The following FRYL variants were observed in gnomAD, a reference collection of about 807,000 sequenced individuals.
FRYL encodes protein furry homolog-like.
Under a neutral mutation model 351.2 loss-of-function variants are expected in FRYL, and 150 were observed. The observed-to-expected ratio is 0.43, with a 90% CI of 0.37 to 0.49. The LOEUF is 0.49. FRYL is among the 20% of genes least tolerant of loss of function. The pLI is 0.00. For synonymous variants in FRYL, 1,153 were observed against 1,257.1 expected (o/e 0.92, Z 1.75); for missense variants, 3,036 against 3,619.3 (o/e 0.84, Z 4.13).
At chr4:48,632,101 T>TATATATATATATATGTATGG (rs1753245429) in intron 4 of FRYL, among the ~76,000 whole-genome samples, 1 of 28,150 alleles carries the variant, frequency 3.6e-5, no homozygotes. Flanking sequence ...AATATATATA[T>TATATATATATATATGTATGG]ATATATATAT....
intron 1 of FRYL, among the ~76,000 whole-genome samples, chr4:48,738,684 T>TG (rs1448284309): frequency 6.6e-6 from 1 of 150,840 alleles, no homozygotes; most frequent in East Asian, 1.9e-4. Flanking sequence ...TTTTTTTTTT[T>TG]GGTAGAGACA....
intron 1 of FRYL, among the ~76,000 whole-genome samples, chr4:48,716,852 G>C (rs557173112): frequency 4.6e-5 from 7 of 151,424 alleles, no homozygotes; most frequent in Non-Finnish European, 1.0e-4. Flanking sequence ...ATTCACAATA[G>C]CAAAGACTTG....
rs576691091 is a variant in FRYL at position 48,758,360 on chromosome 4, C to T, written c.-384+21718G>A. ...ACAAAGGGCTAATATCCAGAATCTA[C>T]AAAGAACTCAAACAAATTTACAAGA... is the stretch of plus-strand genomic sequence containing the variant. On this transcript the variant is annotated intron_variant, in intron 1 of 63. Transcript: ENST00000358350. 1.6e-3 allele frequency among the ~76,000 whole-genome samples: 239 copies of T among 152,196 alleles called. 1 individual carries two copies. The highest frequency in any genetic ancestry group is 5.6e-3 in the African/African-American group (232 of 41,496).
chr4:48,753,816 G>A lies in FRYL; in HGVS notation c.-384+26262C>T, dbSNP rs141189963. Among the ~76,000 whole-genome samples the A allele has an allele frequency of 9.1e-4, 138 of 152,108 alleles. 1 individual carries two copies. Among genetic ancestry groups the A allele is most frequent in the African/African-American group, 3.1e-3 (128 of 41,486 alleles). On this transcript the variant is annotated intron_variant, in intron 1 of 63. Transcript: ENST00000358350. ...TTGTTCATTTTTATGTATGGTATGA[G>A]AAAATAACCCAAATTCATTCTTTTG...
intron 7 of FRYL, chr4:48,617,509 C>T (rs571411709): frequency 2.7e-4 from 41 of 152,068 alleles, no homozygotes; most frequent in Admixed American, 5.2e-4. Context: ...CCACCACACC[C>T]AGATAATTTT....
chr4:48,756,975 G>A (rs1051408328), intron 1 of FRYL, among the ~76,000 whole-genome samples: 24 of 152,254 alleles, frequency 1.6e-4, no homozygotes, highest in African/African-American at 3.4e-4. Context: ...TGATACCTCC[G>A]AAGACATTTA....
intron 2 of FRYL, among the ~76,000 whole-genome samples, chr4:48,697,169 T>C (rs1766276756): frequency 6.6e-6 from 1 of 152,082 alleles, no homozygotes; most frequent in Non-Finnish European, 1.5e-5. Flanking sequence ...TTATATACTA[T>C]AAAATACCAT....
At chr4:48,759,404 C>T (rs556816881) in intron 1 of FRYL, among the ~76,000 whole-genome samples, 66 of 152,290 alleles carry the variant, frequency 4.3e-4, no homozygotes, top group Non-Finnish European at 7.2e-4. Flanking sequence ...GTTGTAGGCA[C>T]TATACCAGTT....
intron 10 of FRYL, among the ~76,000 whole-genome samples, chr4:48,606,149 T>G (rs1746771963): frequency 6.7e-6 from 1 of 148,850 alleles, no homozygotes; most frequent in Admixed American, 6.7e-5. Flanking sequence ...GGCAGGCGCC[T>G]GTAATCCCAA....
intron 3 of FRYL, among the ~76,000 whole-genome samples, chr4:48,669,127 G>A (rs73815312): frequency 4.1e-4 from 62 of 151,704 alleles, no homozygotes; most frequent in African/African-American, 1.5e-3. Context: ...TTTATTTAGC[G>A]ATACATTTAC....
chr4:48,575,405 A>G (rs1240080097), intron 24 of FRYL, among the ~76,000 whole-genome samples, 164 bp from the exon 25 acceptor site: 1 of 152,204 alleles, frequency 6.6e-6, no homozygotes, highest in African/African-American at 2.4e-5. Flanking sequence ...TAAAAGGTTA[A>G]ATAGCTTGTC....
chr4:48,760,246 T>G (rs1774261253), intron 1 of FRYL, among the ~76,000 whole-genome samples: 1 of 151,786 alleles, frequency 6.6e-6, no homozygotes, highest in Non-Finnish European at 1.5e-5. Flanking sequence ...ACTGCAACCC[T>G]CTGCCTCCTG....
chr4:48,619,626 AC>A (rs1470939989), intron 6 of FRYL, among the ~76,000 whole-genome samples: 2 of 151,856 alleles, frequency 1.3e-5, no homozygotes, highest in Non-Finnish European at 2.9e-5. Context: ...TGATCCTCCC[AC>A]CCCAAGTAGC....
intron 1 of FRYL, among the ~76,000 whole-genome samples, chr4:48,715,733 A>G (rs969793367): frequency 6.6e-6 from 1 of 152,210 alleles, no homozygotes; most frequent in Non-Finnish European, 1.5e-5. Context: ...CATCCCCATC[A>G]AGCTAGCAAT....
intron 3 of FRYL, among the ~76,000 whole-genome samples, chr4:48,656,624 G>T (rs568838247): frequency 1.1e-3 from 147 of 138,240 alleles, no homozygotes; most frequent in African/African-American, 3.8e-3. Context: ...TATATATAAT[G>T]TATATAGTAA....
intron 7 of FRYL, among the ~76,000 whole-genome samples, chr4:48,611,468 T>C (rs1463880052): frequency 4.6e-5 from 7 of 152,122 alleles, no homozygotes; most frequent in African/African-American, 1.7e-4. Context: ...GGTCTATTTT[T>C]GAGCTCTCCA....
intron 4 of FRYL, among the ~76,000 whole-genome samples, chr4:48,628,771 C>T (rs1752384553): frequency 6.6e-6 from 1 of 151,894 alleles, no homozygotes; most frequent in Non-Finnish European, 1.5e-5. Flanking sequence ...TACCACATCC[C>T]TATGTACTCC....
At chr4:48,622,907 A>C (rs1469004645) in intron 5 of FRYL, among the ~76,000 whole-genome samples, 1 of 152,178 alleles carries the variant, frequency 6.6e-6, no homozygotes, top group Non-Finnish European at 1.5e-5. Flanking sequence ...GGTACATTAA[A>C]GAGATTAACA....
At position 48,499,267 on chromosome 4, in the gene FRYL, G is replaced by T; in HGVS notation, c.*155C>A. 4.7e-6 allele frequency: 3 copies of T among 644,574 alleles called. No homozygotes were observed. Among genetic ancestry groups the T allele is most frequent in the South Asian group, 2.0e-5 (1 of 48,862 alleles). 39.9% of individuals were successfully genotyped at this position (644,574 alleles called of 1,614,324 possible). A position where few individuals can be genotyped will look rare whatever the true frequency, so the allele number is the denominator to read the frequency against. ...AAATATCAGATGTTTTTTTCTTTCA[G>T]ATCTTTGTTTTTGATGATACAGTTT... On this transcript the variant is annotated 3_prime_UTR_variant, in exon 64 of 64. Coordinates refer to ENST00000358350, the MANE Select transcript of FRYL (RefSeq NM_015030.2).
Sources: gnomAD v4.1 joint callset for allele counts (sites outside exome capture counted in the v4.1 genomes callset) on GRCh38, gnomAD v4.1.1 for gene constraint, MANE v1.5 for transcripts, NCBI Gene and HGNC (gene_info 2026-07-23, HGNC 2026-07-21) for gene names.